The following NUP214 variants were observed in gnomAD, a reference collection of about 807,000 sequenced individuals.
NUP214 encodes nuclear pore complex protein Nup214.
NUP214 carries 79 observed loss-of-function variants against 196.2 expected under a neutral mutation model. That is an observed-to-expected ratio of 0.40 (90% confidence interval 0.34 to 0.49). The LOEUF (loss-of-function observed/expected upper bound fraction) is 0.49. Among genes scored for constraint, NUP214 ranks in the 20% least tolerant of loss-of-function variants. The pLI is 0.58. For missense variants in NUP214, 2,468 were observed against 2,539.0 expected (o/e 0.97, Z 0.60); for synonymous variants, 1,020 against 990.5 (o/e 1.03, Z -0.56).
intron 32 of NUP214, among the ~76,000 whole-genome samples, chr9:131,226,197 A>G (rs1834717749): frequency 6.6e-6 from 1 of 152,210 alleles, no homozygotes; most frequent in South Asian, 2.1e-4. Context: ...AACTGCTGTG[A>G]AGCACCTGGC....
intron 1 of NUP214, chr9:131,126,374 GA>G (rs1831351358): frequency 6.5e-6 from 1 of 152,700 alleles, no homozygotes; most frequent in Non-Finnish European, 1.5e-5. Context: ...ATAACTTCAG[GA>G]TGGTGTGTTT....
At chr9:131,176,967 C>T (rs566143637) in intron 23 of NUP214, among the ~76,000 whole-genome samples, 27 of 152,222 alleles carry the variant, frequency 1.8e-4, no homozygotes, top group Non-Finnish European at 3.4e-4. Context: ...ATGCATAAGA[C>T]ACCCCCACAA....
At chr9:131,226,327 A>G (rs1834723128) in intron 32 of NUP214, among the ~76,000 whole-genome samples, 1 of 152,358 alleles carries the variant, frequency 6.6e-6, no homozygotes, top group South Asian at 2.1e-4. Flanking sequence ...CCCTCCTGCC[A>G]TCAGGAGAGA....
At chr9:131,226,984 C>A (rs931301397) in intron 32 of NUP214, among the ~76,000 whole-genome samples, 5 of 152,196 alleles carry the variant, frequency 3.3e-5, no homozygotes, top group African/African-American at 1.2e-4. Context: ...GCTAGGCCAC[C>A]ATTACTCCCG....
In NUP214 at chr9:131,232,392, A is replaced by G. The variant is rs1834904730; in HGVS notation, c.6239+84A>G. 3 of 1,408,346 alleles carry G rather than the reference A, an allele frequency of 2.1e-6. No homozygotes were observed. Among genetic ancestry groups the G allele is most frequent in the South Asian group, 2.3e-5 (2 of 86,726 alleles). 87.2% of individuals were successfully genotyped at this position (1,408,346 alleles called of 1,614,324 possible). On this transcript the variant is annotated intron_variant, in intron 35 of 35. Coordinates refer to ENST00000359428, the MANE Select transcript of NUP214 (RefSeq NM_005085.4). The surrounding 1 kb of genome is among the most constrained non-coding windows in gnomAD (Gnocchi z 5.1). ...TGTGTGGATCTTGCTGGATTTGTGC[A>G]TTTTCTTTTCGTTTTTTCCTGTTTT...
At position 131,125,620 on chromosome 9, in the gene NUP214, G is replaced by T. The variant is rs1034483007; in HGVS notation, c.-85G>T. ...TGCGCGCCGCTGGCGCTGAGGGGAG[G>T]AAGTTTGCTGTCGAGCGGCCTGGGT... On this transcript the variant is annotated 5_prime_UTR_variant, in exon 1 of 36. Coordinates refer to ENST00000359428, the MANE Select transcript of NUP214 (RefSeq NM_005085.4). The surrounding 1 kb of genome is among the most constrained non-coding windows in gnomAD (Gnocchi z 4.1). The T allele has an allele frequency of 5.8e-6, 9 of 1,539,658 alleles. No individual in the cohort carries two copies. Among genetic ancestry groups the T allele is most frequent in the African/African-American group, 2.8e-5 (2 of 71,664 alleles).
chr9:131,223,730 T>TATTTA (rs71372705), intron 32 of NUP214, among the ~76,000 whole-genome samples: 14 of 14,428 alleles, frequency 9.7e-4, no homozygotes, highest in Admixed American at 2.6e-3. Flanking sequence ...TTTATTTATT[T>TATTTA]TTTTTTTTTT....
chr9:131,126,861 TA>T (rs1446855573), intron 1 of NUP214: 2 of 152,188 alleles, frequency 1.3e-5, no homozygotes, highest in Non-Finnish European at 2.9e-5. Context: ...GAATAGTGAT[TA>T]TTTTTTGAGA....
chr9:131,233,763 T>C lies in NUP214; in HGVS notation c.*276T>C. 2.1e-6 allele frequency: 1 copy of C among 483,806 alleles called. No homozygotes were observed. Among genetic ancestry groups the C allele is most frequent in the Non-Finnish European group, 3.9e-6 (1 of 257,492 alleles). The allele number at this position is 483,806 out of a possible 1,614,324, so 30.0% of individuals were successfully genotyped here. On this transcript the variant is annotated 3_prime_UTR_variant, in exon 36 of 36. Transcript: ENST00000359428. ...GAAGATTGCCCCGTTTCTGTGGCTC[T>C]GAGAAGCCAGCAGAGCCTCCATCAG...
rs1010783077 is a variant in NUP214, at chr9:131,146,433, A to G, written c.1945+129A>G. On this transcript the variant is annotated intron_variant, in intron 13 of 35. Coordinates refer to ENST00000359428, the MANE Select transcript of NUP214 (RefSeq NM_005085.4). The surrounding 1 kb of genome is among the most constrained non-coding windows in gnomAD (Gnocchi z 4.6). ...TTCTTGCTTCCTGTATCATACATTAATGATTAATGTGCTGTGATTTTCATA... is the reference window on the plus strand; with the variant it reads ...TTCTTGCTTCCTGTATCATACATTAGTGATTAATGTGCTGTGATTTTCATA... 5.1e-5 allele frequency: 45 copies of G among 887,436 alleles called. No homozygotes were observed. Among genetic ancestry groups the G allele is most frequent in the Non-Finnish European group, 7.7e-5 (44 of 570,698 alleles). The allele number at this position is 887,436 out of a possible 1,614,324, so 55.0% of individuals were successfully genotyped here. A position where few individuals can be genotyped will look rare whatever the true frequency, so the allele number is the denominator to read the frequency against.
intron 32 of NUP214, among the ~76,000 whole-genome samples, chr9:131,226,266 T>C (rs1286539464): frequency 6.6e-6 from 1 of 151,620 alleles, no homozygotes; most frequent in Non-Finnish European, 1.5e-5. Flanking sequence ...AGAAAATTTG[T>C]TTCTTCTGGA....
intron 17 of NUP214, among the ~76,000 whole-genome samples, chr9:131,156,268 A>G (rs1402687795): frequency 1.3e-5 from 2 of 151,360 alleles, no homozygotes; most frequent in Non-Finnish European, 2.9e-5. Flanking sequence ...GAGTAGCTGG[A>G]ACTACAGGCG....
chr9:131,131,901 C>A (rs910932288), intron 5 of NUP214, among the ~76,000 whole-genome samples: 92 of 152,064 alleles, frequency 6.1e-4, no homozygotes, highest in African/African-American at 2.1e-3. Flanking sequence ...GTTGCCCAGG[C>A]TGGTCTCAAA....
At chr9:131,203,224 C>T (rs1050210014) in intron 30 of NUP214, among the ~76,000 whole-genome samples, 1 of 152,146 alleles carries the variant, frequency 6.6e-6, no homozygotes, top group Non-Finnish European at 1.5e-5. Flanking sequence ...GGATTACAGG[C>T]GTGAGCCACT....
At chr9:131,210,410 A>C (rs1203175716) in intron 30 of NUP214, among the ~76,000 whole-genome samples, 1 of 152,208 alleles carries the variant, frequency 6.6e-6, no homozygotes, top group Non-Finnish European at 1.5e-5. Flanking sequence ...CGGGCGGATC[A>C]CGAGGTCAGG....
Position 131,198,283 on chromosome 9 carries a change from ACAG to A in NUP214, c.4794_4796del (p.Ala1600del), listed in dbSNP as rs1564206037. The A allele has an allele frequency of 6.2e-7, 1 of 1,614,196 alleles. No individual in the cohort carries two copies. Among genetic ancestry groups the A allele is most frequent in the Admixed American group, 1.7e-5 (1 of 60,026 alleles). On this transcript the variant is annotated inframe_deletion, in exon 29 of 36. Coordinates refer to ENST00000359428, the MANE Select transcript of NUP214 (RefSeq NM_005085.4). ...TTCTGTGCCTGGGCAGACTGCTGTC[ACAG>A]CAGCTGCTATCTCAAGTGCAGGCCC...
At chr9:131,126,321 G>A (rs1310771578) in intron 1 of NUP214, 1 of 153,214 alleles carries the variant, frequency 6.5e-6, no homozygotes, top group Non-Finnish European at 1.5e-5. Context: ...CTAAAGGGAG[G>A]GCCAAGTGGT....
chr9:131,161,493 G>T (rs765033626), intron 18 of NUP214, among the ~76,000 whole-genome samples: 1 of 152,008 alleles, frequency 6.6e-6, no homozygotes, highest in Non-Finnish European at 1.5e-5. Flanking sequence ...TCCTGACCTC[G>T]TGATCCACCC....
chr9:131,213,646 C>A (rs568702454), intron 30 of NUP214, among the ~76,000 whole-genome samples: 7 of 152,246 alleles, frequency 4.6e-5, no homozygotes, highest in Admixed American at 1.3e-4. Flanking sequence ...TTCTAACTTT[C>A]CATGGCAGTT....
Sources: allele counts gnomAD v4.1 joint callset (sites outside exome capture counted in the v4.1 genomes callset), GRCh38; gene constraint gnomAD v4.1.1; non-coding constraint Gnocchi (gnomAD v3.1); transcripts MANE v1.5; gene names NCBI Gene and HGNC (gene_info 2026-07-23, HGNC 2026-07-21).